The following EPB41L5 variants were observed in gnomAD, a reference collection of about 807,000 sequenced individuals.
EPB41L5 encodes band 4.1-like protein 5.
In EPB41L5, 55 loss-of-function variants were observed where a neutral mutation model predicts 106.6. That is an observed-to-expected ratio of 0.52 (90% CI 0.42 to 0.65). EPB41L5 has a LOEUF of 0.65. Ranked by LOEUF, EPB41L5 falls within the 30% of genes least tolerant of loss-of-function variation. The pLI, the probability that EPB41L5 is intolerant of heterozygous loss-of-function variation, is 0.00. For missense variants in EPB41L5, 871 were observed against 882.1 expected, an observed-to-expected ratio of 0.99 and a Z score of 0.16; for synonymous variants, 297 against 306.7, an observed-to-expected ratio of 0.97 and a Z score of 0.33.
intron 16 of EPB41L5, chr2:120,105,704 A>G: frequency 1.0e-6 from 1 of 985,428 alleles, no homozygotes; most frequent in Non-Finnish European, 1.2e-6. Flanking sequence ...CACCTCTTTA[A>G]GCCCATCATC....
intron 16 of EPB41L5, among the ~76,000 whole-genome samples, chr2:120,112,337 C>G (rs903488658): frequency 2.0e-5 from 3 of 152,098 alleles, no homozygotes; most frequent in African/African-American, 7.2e-5. Context: ...TAAGGGAGAG[C>G]ATTTATTTTG....
intron 20 of EPB41L5, among the ~76,000 whole-genome samples, chr2:120,159,784 CAG>C (rs1687066266): frequency 6.6e-6 from 1 of 152,126 alleles, no homozygotes; most frequent in Non-Finnish European, 1.5e-5. Context: ...ACAAAGCTGA[CAG>C]AAACAAGCAA....
intron 3 of EPB41L5, among the ~76,000 whole-genome samples, chr2:120,053,189 A>T (rs1411457976): frequency 1.3e-5 from 2 of 152,226 alleles, no homozygotes; most frequent in Admixed American, 1.3e-4. Flanking sequence ...TGGAACGTAA[A>T]GCACTCCTTT....
At position 120,166,318 on chromosome 2, in the gene EPB41L5, C is replaced by T. The variant is rs1481686027; in HGVS notation, c.1963-1148C>T. ...CTTAGATTAATAAACAAAGACTTTA[C>T]CAAGGATAAGAATTAACTGCAAGTG... On this transcript the variant is annotated intron_variant, in intron 22 of 24. Transcript: ENST00000263713. 3.3e-5 allele frequency among the ~76,000 whole-genome samples: 5 copies of T among 152,142 alleles called. 1 individual carries two copies. Among genetic ancestry groups the T allele is most frequent in the Admixed American group, 3.3e-4 (5 of 15,282 alleles).
At chr2:120,136,081 A>G (rs538946937) in intron 18 of EPB41L5, among the ~76,000 whole-genome samples, 3 of 151,706 alleles carry the variant, frequency 2.0e-5, no homozygotes, top group African/African-American at 7.3e-5. Flanking sequence ...AAAAAGTTAA[A>G]AAGCTGGGGG....
chr2:120,043,420 C>T (rs1246028813), intron 3 of EPB41L5, among the ~76,000 whole-genome samples: 1 of 151,588 alleles, frequency 6.6e-6, no homozygotes, highest in African/African-American at 2.4e-5. Context: ...GGTGGCGTGC[C>T]CCTGTAGTCC....
intron 2 of EPB41L5, among the ~76,000 whole-genome samples, chr2:120,030,384 G>C (rs1678622608): frequency 6.6e-6 from 1 of 152,104 alleles, no homozygotes; most frequent in Non-Finnish European, 1.5e-5. Context: ...TGCAGACCCT[G>C]CACTGGATGG....
At chr2:120,084,829 T>C (rs1186989596) in intron 10 of EPB41L5, among the ~76,000 whole-genome samples, 1 of 152,216 alleles carries the variant, frequency 6.6e-6, no homozygotes, top group Non-Finnish European at 1.5e-5. Context: ...CGTTCCTTTT[T>C]ACTCTTTTTT....
intron 14 of EPB41L5, among the ~76,000 whole-genome samples, chr2:120,096,560 C>T (rs575365167): frequency 1.3e-5 from 2 of 152,236 alleles, no homozygotes; most frequent in African/African-American, 4.8e-5. Context: ...GAGGCCAAGG[C>T]AGGCAGATCA....
rs576262230 is a variant in EPB41L5, at chr2:120,153,995, A to G, written c.1794-6886A>G. ...CTTTAATCCACTTACATCTAAAGTG[A>G]TTACTGATAAAGGACTTCTTCCATT... On this transcript the variant is annotated intron_variant, in intron 20 of 24. Transcript: ENST00000263713. 1.8e-3 allele frequency among the ~76,000 whole-genome samples: 280 copies of G among 152,174 alleles called. 2 individuals carry two copies. Among genetic ancestry groups the G allele is most frequent in the Non-Finnish European group, 3.6e-3 (247 of 68,018 alleles).
chr2:120,167,556 A>AGCC, intron 23 of EPB41L5, 49 bp downstream of exon 23: 1 of 1,554,890 alleles, frequency 6.4e-7, no homozygotes, highest in Non-Finnish European at 8.9e-7. Context: ...CTTTCAGGGT[A>AGCC]AGGCCTAAAG....
At position 120,142,991 on chromosome 2, in the gene EPB41L5, T is replaced by C. The variant is rs377269569; in HGVS notation, c.1600-12T>C. ...ATCAGAGTTGATTATAGTATATTTT[T>C]AAAATATCTAGGAGGAAGTGGTGAA... On this transcript the variant is annotated splice_polypyrimidine_tract_variant and intron_variant, in intron 18 of 24. Coordinates refer to ENST00000263713, the MANE Select transcript of EPB41L5 (RefSeq NM_020909.4). 29 of 1,607,922 alleles carry C rather than the reference T, an allele frequency of 1.8e-5. No individual in the cohort carries two copies. The African/African-American group carries it at 3.8e-4, about 21-fold the overall frequency.
chr2:120,080,793 G>T (rs976894344), intron 10 of EPB41L5, among the ~76,000 whole-genome samples: 14 of 152,096 alleles, frequency 9.2e-5, no homozygotes, highest in South Asian at 4.1e-4. Context: ...TTTTAATGAT[G>T]GCCATTCTAA....
At chr2:120,046,961 A>G (rs1338140327) in intron 3 of EPB41L5, among the ~76,000 whole-genome samples, 3 of 152,158 alleles carry the variant, frequency 2.0e-5, no homozygotes, top group Non-Finnish European at 2.9e-5. Context: ...GTCAAAGATC[A>G]GATGGTTGTA....
At chr2:120,140,968 T>G (rs1430374048) in intron 18 of EPB41L5, among the ~76,000 whole-genome samples, 2 of 152,044 alleles carry the variant, frequency 1.3e-5, no homozygotes, top group Non-Finnish European at 2.9e-5. Flanking sequence ...TAAAGCATGA[T>G]TTGTTGGATG....
At chr2:120,164,306 C>T (rs879851284) in intron 21 of EPB41L5, among the ~76,000 whole-genome samples, 22 of 152,128 alleles carry the variant, frequency 1.4e-4, no homozygotes, top group Non-Finnish European at 2.4e-4. Context: ...CCTCTGTCTC[C>T]TGGGCTCAAG....
chr2:120,026,731 T>G lies in EPB41L5; in HGVS notation c.180+7467T>G, dbSNP rs1445654385. On this transcript the variant is annotated intron_variant, in intron 2 of 24. Transcript: ENST00000263713. ...GCAACTAAAGAAAAAGTAAATAAAT[T>G]GGACTTCATCAAAATGAAAAATTTT... Among the ~76,000 whole-genome samples, 3 of 152,194 alleles carry G rather than the reference T, an allele frequency of 2.0e-5. No individual in the cohort carries two copies. In the East Asian group the frequency reaches 5.8e-4, roughly 29 times the overall value.
chr2:120,105,446 T>G, intron 16 of EPB41L5: 2 of 985,426 alleles, frequency 2.0e-6, no homozygotes, highest in Non-Finnish European at 2.4e-6. Flanking sequence ...TCTCAAATCC[T>G]TCCTGCCAGA....
intron 2 of EPB41L5, among the ~76,000 whole-genome samples, chr2:120,024,205 C>G (rs1678144785): frequency 6.6e-6 from 1 of 152,154 alleles, no homozygotes; most frequent in East Asian, 1.9e-4. Context: ...CCAGAACTTC[C>G]AATACTATGT....
Sources: gnomAD v4.1 joint callset for allele counts (sites outside exome capture counted in the v4.1 genomes callset) on GRCh38, gnomAD v4.1.1 for gene constraint, MANE v1.5 for transcripts, NCBI Gene and HGNC (gene_info 2026-07-23, HGNC 2026-07-21) for gene names.